Variants in CASP1 observed in about 807,000 individuals in gnomAD.
The protein encoded by CASP1 is caspase 1.
Under a neutral mutation model 41.2 loss-of-function variants are expected in CASP1, and 31 were observed. The ratio of observed to expected loss-of-function variants is 0.75; its 90% CI spans 0.57 to 1.02. CASP1 has a LOEUF of 1.02. CASP1 is among the 50% of genes least tolerant of loss of function. The pLI is 0.00. For missense variants in CASP1, 490 were observed against 495.7 expected, an observed-to-expected ratio of 0.99 and a Z score of 0.11; for synonymous variants, 163 against 166.5, an observed-to-expected ratio of 0.98 and a Z score of 0.16.
chr11:105,034,545 G>A (rs902352854), intron 1 of CASP1, 71 bp from the exon 2 acceptor site: 4 of 1,594,956 alleles, frequency 2.5e-6, no homozygotes, highest in Non-Finnish European at 3.4e-6. Context: ...TCAACAGAAA[G>A]TGACCTCATT....
upstream of CASP1, chr11:105,035,201 A>C: frequency 6.5e-7 from 1 of 1,539,560 alleles, no homozygotes; most frequent in Non-Finnish European, 9.0e-7. Context: ...GTATTGGGAA[A>C]TACTCACTGT....
chr11:105,029,870 T>G lies in CASP1; in HGVS notation c.657A>C (p.Ala219=). Residue 219 remains alanine (A), a synonymous_variant, in exon 6 of 9, where the codon GCA becomes GCC. Transcript: ENST00000533400. ...SDMTTELEAF[A]HRPEHKTSDS... ...CAGAGGTCTTGTGCTCTGGGCGGTG[T>G]GCAAATGCCTCCAGCTCTGTAGTCA... The G allele has an allele frequency of 6.2e-7, 1 of 1,613,666 alleles. No homozygotes were observed. The highest frequency in any genetic ancestry group is 8.5e-7 in the Non-Finnish European group (1 of 1,179,694).
At position 105,026,842 on chromosome 11, in the gene CASP1, C is replaced by T. The variant is rs763319984; in HGVS notation, c.1116G>A (p.Lys372=). ...AAAATAGCATCCACTAGCATCTTAC[C>T]TTGCGGAAAATTTCCTCCACATCAC... is the stretch of plus-strand genomic sequence containing the variant. The part of the protein sequence containing the change: ...CSCDVEEIFR[K]VRFSFEQPDG... The change falls in exon 8 of 9, where the codon AAG becomes AAA. Residue 372 remains lysine (K), a splice_region_variant and synonymous_variant. Transcript: ENST00000533400. 2.6e-6 allele frequency: 4 copies of T among 1,532,834 alleles called. No individual in the cohort carries two copies. The highest frequency in any genetic ancestry group is 3.6e-6 in the Non-Finnish European group (4 of 1,106,284). 95.0% of individuals were successfully genotyped at this position (1,532,834 alleles called of 1,614,324 possible).
intron 3 of CASP1, among the ~76,000 whole-genome samples, chr11:105,032,376 T>C (rs1172163085): frequency 6.6e-6 from 1 of 152,300 alleles, no homozygotes; most frequent in East Asian, 1.9e-4. Context: ...TCTTTATATA[T>C]TGAATATCCC....
chr11:105,030,197 G>T lies in CASP1; in HGVS notation c.627+133C>A, dbSNP rs768091761. ...GTTACAAAGGACCATGTAGTATCCA[G>T]CACTCTCTCATGGCAAGTTTGTATT... On this transcript the variant is annotated intron_variant, in intron 5 of 8. Coordinates refer to ENST00000533400, the MANE Select transcript of CASP1 (RefSeq NM_001257118.3). The T allele has an allele frequency of 5.9e-4, 449 of 754,644 alleles. 5 individuals are homozygous for T. Among genetic ancestry groups the T allele is most frequent in the Non-Finnish European group, 5.4e-4 (249 of 457,584 alleles). 46.7% of individuals were successfully genotyped at this position (754,644 alleles called of 1,614,324 possible). A position where few individuals can be genotyped will look rare whatever the true frequency, so the allele number is the denominator to read the frequency against.
Position 105,026,897 on chromosome 11 carries a change from A to G in CASP1, c.1061T>C (p.Ile354Thr), listed in dbSNP as rs1418323976. 1.2e-6 allele frequency: 2 copies of G among 1,611,730 alleles called. No homozygotes were observed. Among genetic ancestry groups the G allele is most frequent in the Non-Finnish European group, 1.7e-6 (2 of 1,178,094 alleles). ...ACAGGCATATTCTTGCATATGTTCA[A>G]TGAGTCTTCCAATAAAAACAGAGCC... Reference protein sequence around the residue: ...TMGSVFIGRLIEHMQEYACSC... With the variant: ...TMGSVFIGRLTEHMQEYACSC... Residue 354 changes from isoleucine to threonine, a missense_variant, in exon 8 of 9, where the codon ATT (isoleucine) becomes ACT (threonine). Transcript: ENST00000533400.
intron 5 of CASP1, 34 bp from the exon 6 acceptor site, chr11:105,029,933 G>T: frequency 7.1e-7 from 1 of 1,405,430 alleles, no homozygotes; most frequent in South Asian, 1.1e-5. Flanking sequence ...TTTCGACTAT[G>T]TAATTAACTA....
chr11:105,028,874 T>C (rs1171604739), intron 7 of CASP1, among the ~76,000 whole-genome samples: 1 of 152,194 alleles, frequency 6.6e-6, no homozygotes, highest in Non-Finnish European at 1.5e-5. Context: ...CTACAGCACA[T>C]ACCGTCTTCC....
chr11:105,026,597 C>A, intron 8 of CASP1: 1 of 599,758 alleles, frequency 1.7e-6, no homozygotes, highest in East Asian at 2.7e-5. Context: ...AATTAGAGTC[C>A]ATTCATTTGT....
chr11:105,034,337 T>C lies in CASP1; in HGVS notation c.145A>G (p.Thr49Ala). Residue 49 changes from threonine (T) to alanine (A), a missense_variant, in exon 2 of 9, where the codon ACA (threonine) becomes GCA (alanine). Transcript: ENST00000533400. The stretch of plus-strand genomic sequence containing the variant: ...AAAGCTCGGGTCTTATCCATAACTG[T>C]AGCATTTTCACGTTTTACTTTCTCC... ...EMEKVKRENA[T>A]VMDKTRALID... 6.2e-7 allele frequency: 1 copy of C among 1,614,160 alleles called. No homozygotes were observed. The highest frequency in any genetic ancestry group is 2.2e-5 in the East Asian group (1 of 44,872).
Position 105,027,078 on chromosome 11 carries a change from G to T in CASP1, c.1007-127C>A, listed in dbSNP as rs559774842. 1.0e-4 allele frequency: 71 copies of T among 711,520 alleles called. No individual in the cohort carries two copies. The African/African-American group carries it at 1.1e-3, about 11-fold the overall frequency. 44.1% of individuals were successfully genotyped at this position (711,520 alleles called of 1,614,324 possible). A position where few individuals can be genotyped will look rare whatever the true frequency, so the allele number is the denominator to read the frequency against. ...AAATTTAGTAGCAAATAAGGAAAAG[G>T]CGGAATGGGGTAGAGGGGAGTGATT... On this transcript the variant is annotated intron_variant, in intron 7 of 8. Transcript: ENST00000533400.
Position 105,034,418 on chromosome 11 carries a change from T to G in CASP1, c.64A>C (p.Ile22Leu), listed in dbSNP as rs747985937. The change falls in exon 2 of 9, where the codon ATA (isoleucine) becomes CTA (leucine). Residue 22 changes from isoleucine (I) to leucine (L), a missense_variant. Coordinates refer to ENST00000533400, the MANE Select transcript of CASP1 (RefSeq NM_001257118.3). ...LFIRSMGEGT[I>L]NGLLDELLQT... ...AATAATTCATCCAGTAAGCCATTTA[T>G]TGTACCTTCACCCATGGAACGGATA... 1.9e-6 allele frequency: 3 copies of G among 1,614,202 alleles called. No homozygotes were observed. The South Asian group carries it at 3.3e-5, about 18-fold the overall frequency.
At chr11:105,028,319 G>C (rs1158956173) in intron 7 of CASP1, among the ~76,000 whole-genome samples, 1 of 152,110 alleles carries the variant, frequency 6.6e-6, no homozygotes, top group East Asian at 1.9e-4. Flanking sequence ...GTGACCAAGA[G>C]AATGCAAGTC....
In CASP1 at chr11:105,026,053, A is replaced by G; in HGVS notation, c.*205T>C. 2.3e-6 allele frequency: 1 copy of G among 441,910 alleles called. No homozygotes were observed. The highest frequency in any genetic ancestry group is 3.4e-5 in the East Asian group (1 of 29,734). The allele number at this position is 441,910 out of a possible 1,614,324, so 27.4% of individuals were successfully genotyped here. A position where few individuals can be genotyped will look rare whatever the true frequency, so the allele number is the denominator to read the frequency against. On this transcript the variant is annotated 3_prime_UTR_variant, in exon 9 of 9. Coordinates refer to ENST00000533400, the MANE Select transcript of CASP1 (RefSeq NM_001257118.3). ...CCTATAATTTGAAATGTTTCAATAAACATTTCCTTTGAATATCATGTGGGC... is the reference window on the plus strand; with the variant it reads ...CCTATAATTTGAAATGTTTCAATAAGCATTTCCTTTGAATATCATGTGGGC...
rs1250138214 is a variant in CASP1 at position 105,026,255 on chromosome 11, A to G, written c.*3T>C. ...CCACAGACATTCATACAGTTTCCTT[A>G]TTTTAATGTCCTGGGAAGAGGTAGA... On this transcript the variant is annotated 3_prime_UTR_variant, in exon 9 of 9. Coordinates refer to ENST00000533400, the MANE Select transcript of CASP1 (RefSeq NM_001257118.3). 6.3e-7 allele frequency: 1 copy of G among 1,581,712 alleles called. No individual in the cohort carries two copies. Among genetic ancestry groups the G allele is most frequent in the Non-Finnish European group, 8.7e-7 (1 of 1,151,184 alleles).
At chr11:105,035,163 G>C (rs180804835), upstream of CASP1, 4 of 1,613,170 alleles carry the variant, frequency 2.5e-6, no homozygotes, top group African/African-American at 4.0e-5. Context: ...AGTATGCTTC[G>C]CCTTCCTTTT....
At chr11:105,036,106 A>G (rs1864007526), upstream of CASP1, among the ~76,000 whole-genome samples, 1 of 152,174 alleles carries the variant, frequency 6.6e-6, no homozygotes, top group Non-Finnish European at 1.5e-5. Flanking sequence ...GCATTAAGTG[A>G]GAGAAAATGT....
At chr11:105,026,471 A>G in intron 8 of CASP1, 115 bp from the exon 9 acceptor site, 1 of 675,728 alleles carries the variant, frequency 1.5e-6, no homozygotes, top group East Asian at 2.7e-5. Context: ...TGACAAAAAC[A>G]AAAAGTACTT....
At position 105,026,276 on chromosome 11, in the gene CASP1, G is replaced by A. The variant is rs1393971868; in HGVS notation, c.1197C>T (p.Tyr399=). The change falls in exon 9 of 9, where the codon TAC becomes TAT. Residue 399 remains tyrosine, a synonymous_variant. Coordinates refer to ENST00000533400, the MANE Select transcript of CASP1 (RefSeq NM_001257118.3). ...TERVTLTRCF[Y]LFPGH is the part of the protein sequence containing the mutation. ...CCTTATTTTAATGTCCTGGGAAGAG[G>A]TAGAAACATCTTGTCAAAGTCACTC... The A allele has an allele frequency of 6.2e-7, 1 of 1,605,674 alleles. No individual in the cohort carries two copies. The highest frequency in any genetic ancestry group is 1.3e-5 in the African/African-American group (1 of 74,728).
Sources: gnomAD v4.1 joint callset for allele counts (sites outside exome capture counted in the v4.1 genomes callset) on GRCh38, gnomAD v4.1.1 for gene constraint, MANE v1.5 for transcripts, NCBI Gene and HGNC (gene_info 2026-07-23, HGNC 2026-07-21) for gene names.